TUSC3: variants seen among roughly 807,000 people sequenced by gnomAD.
TUSC3 encodes tumor suppressor candidate 3.
TUSC3 carries 45 observed loss-of-function variants against 44.8 expected under a neutral mutation model. The observed-to-expected ratio is 1.00, with a 90% CI of 0.79 to 1.29. The LOEUF (loss-of-function observed/expected upper bound fraction) is 1.29. TUSC3 is among the 50% of genes most tolerant of loss of function. TUSC3 has a pLI of 0.00. For synonymous variants in TUSC3, 212 were observed against 152.9 expected, an observed-to-expected ratio of 1.39 and a Z score of -2.85; for missense variants, 519 against 437.9, an observed-to-expected ratio of 1.19 and a Z score of -1.65.
chr8:15,569,966 C>T (rs915003675), intron 1 of TUSC3, among the ~76,000 whole-genome samples: 1 of 151,950 alleles, frequency 6.6e-6, no homozygotes, highest in African/African-American at 2.4e-5. Flanking sequence ...GCTTAAGAGG[C>T]AATTCATTTT....
chr8:15,501,332 A>C (rs1020678516), intron 2 of TUSC3, among the ~76,000 whole-genome samples: 2 of 152,306 alleles, frequency 1.3e-5, no homozygotes, highest in Middle Eastern at 3.4e-3. Flanking sequence ...CTTGGAACCC[A>C]AAGTTTGGAT....
intron 2 of TUSC3, among the ~76,000 whole-genome samples, chr8:15,484,182 G>A (rs1157333489): frequency 1.3e-5 from 2 of 151,614 alleles, no homozygotes; most frequent in African/African-American, 4.8e-5. Context: ...TTTTTAGTGA[G>A]ATTTTTAATA....
chr8:15,551,790 G>T (rs1360443045), intron 1 of TUSC3, among the ~76,000 whole-genome samples: 1 of 151,710 alleles, frequency 6.6e-6, no homozygotes, highest in Non-Finnish European at 1.5e-5. Flanking sequence ...AAAGGAATGG[G>T]AGGGTACTGG....
the TUSC3 span, among the ~76,000 whole-genome samples, chr8:15,778,845 C>G: frequency 6.6e-6 from 1 of 152,184 alleles, no homozygotes; most frequent in East Asian, 1.9e-4. Flanking sequence ...TTATGCAAAT[C>G]ATTCAGACTT....
At chr8:15,688,486 A>G (rs914547652) in intron 6 of TUSC3, among the ~76,000 whole-genome samples, 1 of 141,380 alleles carries the variant, frequency 7.1e-6, no homozygotes, top group African/African-American at 2.7e-5. Flanking sequence ...GATCTGTTAT[A>G]TAGTTAAATT....
chr8:15,736,611 C>G (rs1003087241), intron 7 of TUSC3, among the ~76,000 whole-genome samples: 3 of 152,054 alleles, frequency 2.0e-5, no homozygotes, highest in Non-Finnish European at 4.4e-5. Flanking sequence ...CACAATAAAA[C>G]AGACATGTAA....
chr8:15,587,910 G>C (rs1803664223), intron 1 of TUSC3, among the ~76,000 whole-genome samples: 1 of 151,978 alleles, frequency 6.6e-6, no homozygotes. Flanking sequence ...ATCTTTAATA[G>C]CTAAATAATA....
At chr8:15,735,980 G>A (rs1215776485) in intron 7 of TUSC3, among the ~76,000 whole-genome samples, 3 of 151,172 alleles carry the variant, frequency 2.0e-5, no homozygotes, top group Non-Finnish European at 2.9e-5. Context: ...CGCCCACCTT[G>A]GCCTCCCAAA....
At chr8:15,835,709 A>G in the TUSC3 span, among the ~76,000 whole-genome samples, 2 of 152,188 alleles carry the variant, frequency 1.3e-5, no homozygotes, top group African/African-American at 2.4e-5. Flanking sequence ...GAGAGAAGAT[A>G]CAGTCTCTAC....
intron 1 of TUSC3, among the ~76,000 whole-genome samples, chr8:15,427,986 A>G (rs1157737882): frequency 6.6e-6 from 1 of 151,304 alleles, no homozygotes; most frequent in African/African-American, 2.4e-5. Flanking sequence ...TTATTATTAT[A>G]CTTTTAAGTT....
chr8:15,670,022 A>G (rs773469915), intron 5 of TUSC3, among the ~76,000 whole-genome samples: 4 of 151,870 alleles, frequency 2.6e-5, no homozygotes, highest in African/African-American at 7.2e-5. Context: ...AAAAAAATCT[A>G]TTGTCATAGC....
At chr8:15,626,855 T>C (rs1366460524) in intron 2 of TUSC3, among the ~76,000 whole-genome samples, 2 of 152,202 alleles carry the variant, frequency 1.3e-5, no homozygotes, top group Non-Finnish European at 2.9e-5. Context: ...AGTCTGGTTT[T>C]GGCCTGCAGG....
At chr8:15,755,435 A>AT (rs1811883773) in intron 9 of TUSC3, among the ~76,000 whole-genome samples, 2 of 152,228 alleles carry the variant, frequency 1.3e-5, no homozygotes, top group South Asian at 2.1e-4. Context: ...TCTTTACGCT[A>AT]AAGATTAAGT....
At chr8:15,687,573 C>G (rs150533182) in intron 6 of TUSC3, among the ~76,000 whole-genome samples, 3 of 152,080 alleles carry the variant, frequency 2.0e-5, no homozygotes, top group African/African-American at 7.2e-5. Context: ...TTAGTGTCAC[C>G]ATTTAAACTA....
At chr8:15,685,858 G>T (rs1585228344) in intron 6 of TUSC3, among the ~76,000 whole-genome samples, 1 of 145,144 alleles carries the variant, frequency 6.9e-6, no homozygotes, top group African/African-American at 2.5e-5. Context: ...TAGTTCTTAG[G>T]TTTTTTTTTT....
chr8:15,475,356 C>T (rs1306378222), intron 1 of TUSC3, among the ~76,000 whole-genome samples: 5 of 152,152 alleles, frequency 3.3e-5, no homozygotes, highest in Non-Finnish European at 7.4e-5. Flanking sequence ...TCCCTATCCC[C>T]TTTGTGTGAT....
intron 2 of TUSC3, among the ~76,000 whole-genome samples, chr8:15,522,099 A>G (rs1383155659): frequency 6.6e-6 from 1 of 152,220 alleles, no homozygotes; most frequent in Non-Finnish European, 1.5e-5. Context: ...TCTCATTTAC[A>G]GTAGACTATT....
At chr8:15,518,040 G>A (rs1421256493) in intron 2 of TUSC3, among the ~76,000 whole-genome samples, 1 of 150,432 alleles carries the variant, frequency 6.6e-6, no homozygotes, top group African/African-American at 2.4e-5. Flanking sequence ...TACCCCTTTT[G>A]CCAGCCTCCG....
intron 2 of TUSC3, among the ~76,000 whole-genome samples, chr8:15,489,262 T>C (rs1208395048): frequency 6.6e-6 from 1 of 152,174 alleles, no homozygotes; most frequent in Non-Finnish European, 1.5e-5. Flanking sequence ...TTCAAAGATT[T>C]TCTAATTGGC....
Sources: gnomAD v4.1 joint callset for allele counts (sites outside exome capture counted in the v4.1 genomes callset) on GRCh38, gnomAD v4.1.1 for gene constraint, MANE v1.5 for transcripts, NCBI Gene and HGNC (gene_info 2026-07-23, HGNC 2026-07-21) for gene names.